The following KSR2 variants were observed in gnomAD, a reference collection of about 807,000 sequenced individuals.
The protein encoded by KSR2 is kinase suppressor of ras 2.
A neutral mutation model predicts 107.8 loss-of-function variants in KSR2; 25 were observed. That is an observed-to-expected ratio of 0.23 (90% CI 0.17 to 0.32). The LOEUF (loss-of-function observed/expected upper bound fraction) is 0.32, where lower values mean the gene tolerates loss of function less well. Among genes scored for constraint, KSR2 ranks in the 10% least tolerant of loss-of-function variants. The pLI, the probability that KSR2 is intolerant of heterozygous loss-of-function variation, is 1.00. For synonymous variants in KSR2, 480 were observed against 507.0 expected, an observed-to-expected ratio of 0.95 and a Z score of 0.71; for missense variants, 887 against 1,268.9, an observed-to-expected ratio of 0.70 and a Z score of 4.57.
chr12:117,486,136 G>A (rs1319914106), intron 14 of KSR2, among the ~76,000 whole-genome samples: 1 of 152,228 alleles, frequency 6.6e-6, no homozygotes, highest in Non-Finnish European at 1.5e-5. Context: ...GGTGGCTGAT[G>A]TGTATTAAGT....
chr12:117,809,603 G>T (rs1891128863), intron 3 of KSR2, among the ~76,000 whole-genome samples: 1 of 152,190 alleles, frequency 6.6e-6, no homozygotes, highest in African/African-American at 2.4e-5. Flanking sequence ...CTGTTGCTTT[G>T]CCCCACTTGT....
At chr12:117,733,096 G>C (rs1014130545) in intron 4 of KSR2, among the ~76,000 whole-genome samples, 2 of 152,172 alleles carry the variant, frequency 1.3e-5, no homozygotes, top group Non-Finnish European at 2.9e-5. Flanking sequence ...CAACTAGATT[G>C]AGGCCTTGAG....
rs1202392067 is a variant in KSR2, at chr12:117,936,515, TTATTATTATTATTATTATTAG to T, written c.180+31540_180+31560del. On this transcript the variant is annotated intron_variant, in intron 1 of 19. Coordinates refer to ENST00000339824, the MANE Select transcript of KSR2 (RefSeq NM_173598.6). ...CTACTTTATCATTATTATTATTTTA[TTATTATTATTATTATTATTAG>T]TAGTAGTAGTAGTAGTAGTAGTAGT... Among the ~76,000 whole-genome samples, 84 of 41,138 alleles carry T rather than the reference TTATTATTATTATTATTATTAG, an allele frequency of 2.0e-3. 2 individuals are homozygous for T. The South Asian group carries it at 0.036, about 18-fold the overall frequency. 27.0% of individuals were successfully genotyped at this position (41,138 alleles called of 152,430 possible). A position where few individuals can be genotyped will look rare whatever the true frequency, so the allele number is the denominator to read the frequency against.
At chr12:117,877,137 G>T (rs1893879506) in intron 1 of KSR2, among the ~76,000 whole-genome samples, 1 of 152,150 alleles carries the variant, frequency 6.6e-6, no homozygotes, top group Admixed American at 6.6e-5. Context: ...AGGAGTTCAA[G>T]ACCAGCCTGG....
chr12:117,941,792 A>ATTT (rs542293863), intron 1 of KSR2, among the ~76,000 whole-genome samples: 1,223 of 97,714 alleles, frequency 0.013, 29 homozygotes, highest in Middle Eastern at 0.041. Flanking sequence ...GGCCTGGCTA[A>ATTT]TTTTTTTTTT....
chr12:117,732,041 T>A (rs202054116), intron 4 of KSR2, among the ~76,000 whole-genome samples: 2 of 147,446 alleles, frequency 1.4e-5, no homozygotes, highest in Admixed American at 1.4e-4. Flanking sequence ...CAAATACTAT[T>A]AAAAAAAAAA....
intron 3 of KSR2, among the ~76,000 whole-genome samples, chr12:117,780,358 T>C (rs1012952144): frequency 2.6e-5 from 4 of 152,226 alleles, no homozygotes; most frequent in East Asian, 1.9e-4. Context: ...TATATCCATA[T>C]AGCAGATTAT....
intron 1 of KSR2, among the ~76,000 whole-genome samples, chr12:117,956,123 G>A (rs1030038677): frequency 9.3e-5 from 14 of 151,118 alleles, no homozygotes; most frequent in African/African-American, 2.4e-4. Context: ...GGTGGCGGGC[G>A]CCTGTAGTCC....
At position 117,525,296 on chromosome 12, in the gene KSR2, G is replaced by A. The variant is rs907398840; in HGVS notation, c.1852-77C>T. The A allele has an allele frequency of 4.1e-5, 60 of 1,449,512 alleles. No homozygotes were observed. In the African/African-American group the frequency reaches 5.4e-4, roughly 13 times the overall value. 89.8% of individuals were successfully genotyped at this position (1,449,512 alleles called of 1,614,324 possible). On this transcript the variant is annotated intron_variant, in intron 13 of 19. Transcript: ENST00000339824. The stretch of plus-strand genomic sequence containing the variant: ...CTCCCTCATGGTCCTGCTGGGTCCC[G>A]TGCACATGCGTAGGTCTGGGCACAT...
intron 3 of KSR2, among the ~76,000 whole-genome samples, chr12:117,849,416 G>A (rs1161044932): frequency 6.6e-6 from 1 of 152,220 alleles, no homozygotes; most frequent in Non-Finnish European, 1.5e-5. Context: ...CGTTGAATGA[G>A]TGAATAATGG....
At chr12:117,749,770 C>T (rs2136821109) in intron 4 of KSR2, among the ~76,000 whole-genome samples, 1 of 152,304 alleles carries the variant, frequency 6.6e-6, no homozygotes, top group Non-Finnish European at 1.5e-5. Flanking sequence ...CCTTACTGGA[C>T]TGAATCTCTC....
At chr12:117,534,166 C>T (rs1201874462) in intron 10 of KSR2, among the ~76,000 whole-genome samples, 2 of 152,062 alleles carry the variant, frequency 1.3e-5, no homozygotes, top group African/African-American at 4.8e-5. Flanking sequence ...CCCATGCCTA[C>T]CCTGAGGCCT....
At chr12:117,704,942 T>C (rs900325454) in intron 4 of KSR2, among the ~76,000 whole-genome samples, 1 of 151,358 alleles carries the variant, frequency 6.6e-6, no homozygotes, top group African/African-American at 2.4e-5. Flanking sequence ...ACCTAAAGAG[T>C]GCGACAAGGT....
At chr12:117,653,428 G>A (rs1883986591) in intron 5 of KSR2, among the ~76,000 whole-genome samples, 1 of 152,236 alleles carries the variant, frequency 6.6e-6, no homozygotes, top group African/African-American at 2.4e-5. Context: ...GAAACTCTCT[G>A]GCTTTGTGTC....
At chr12:117,941,731 A>G (rs1250916066) in intron 1 of KSR2, among the ~76,000 whole-genome samples, 2 of 125,914 alleles carry the variant, frequency 1.6e-5, no homozygotes, top group Non-Finnish European at 3.1e-5. Flanking sequence ...GATTCAAATG[A>G]TTCTCGTGCC....
chr12:117,836,847 C>A (rs753020582), intron 3 of KSR2, among the ~76,000 whole-genome samples: 1 of 152,270 alleles, frequency 6.6e-6, no homozygotes, highest in Non-Finnish European at 1.5e-5. Context: ...GGCTCCCATG[C>A]AGCTGGGGGT....
chr12:117,894,161 G>A (rs1395345314), intron 1 of KSR2, among the ~76,000 whole-genome samples: 1 of 151,902 alleles, frequency 6.6e-6, no homozygotes, highest in East Asian at 1.9e-4. Flanking sequence ...CACCCGCCTC[G>A]GCCTCCCAAA....
chr12:117,717,157 T>A (rs1887017677), intron 4 of KSR2, among the ~76,000 whole-genome samples: 2 of 152,240 alleles, frequency 1.3e-5, no homozygotes, highest in Admixed American at 1.3e-4. Context: ...GTAACAATGA[T>A]GCCAAGGAAA....
chr12:117,541,563 C>G (rs951201465), intron 9 of KSR2, among the ~76,000 whole-genome samples: 4 of 152,226 alleles, frequency 2.6e-5, no homozygotes, highest in Admixed American at 6.5e-5. Flanking sequence ...GAGCCTTCAT[C>G]TGTTCACCCA....
Sources: allele counts gnomAD v4.1 joint callset (sites outside exome capture counted in the v4.1 genomes callset), GRCh38; gene constraint gnomAD v4.1.1; transcripts MANE v1.5; gene names NCBI Gene and HGNC (gene_info 2026-07-23, HGNC 2026-07-21).